The following CHCHD10 variants were observed in gnomAD, a reference collection of about 807,000 sequenced individuals.
CHCHD10 encodes coiled-coil-helix-coiled-coil-helix domain-containing protein 10, mitochondrial.
A neutral mutation model predicts 14.8 loss-of-function variants in CHCHD10; 10 were observed. That is an observed-to-expected ratio of 0.67 (90% confidence interval 0.42 to 1.14). CHCHD10 has a LOEUF of 1.14. Among genes scored for constraint, CHCHD10 ranks in the 50% most tolerant of loss-of-function variants. The pLI is 0.00. For synonymous variants in CHCHD10, 90 were observed against 85.2 expected (o/e 1.06, Z -0.31); for missense variants, 203 against 196.9 (o/e 1.03, Z -0.19).
intron 2 of CHCHD10, 48 bp from the exon 3 acceptor site, chr22:23,766,323 C>G (rs1221862349): frequency 6.6e-7 from 1 of 1,509,566 alleles, no homozygotes; most frequent in Non-Finnish European, 8.9e-7. Flanking sequence ...GAGTTGGCAC[C>G]TGGAGGTGCG....
In CHCHD10 at chr22:23,766,260, CA is replaced by C; in HGVS notation, c.276del (p.Ala93ProfsTer37). ...GGCCCCATCTGCAGGGGCTGGGGGGCAGCGGGGGTGGGGGCCTGGGGGTACA... is the reference window on the plus strand; with the variant it reads ...GGCCCCATCTGCAGGGGCTGGGGGGCGCGGGGGTGGGGGCCTGGGGGTACA... ...QPAVQQAPTP[A>X]APQPLQMGPC... On this transcript the variant is annotated frameshift_variant, in exon 3 of 4. Transcript: ENST00000484558. LOFTEE classifies it high-confidence loss of function. The C allele has an allele frequency of 6.8e-7, 1 of 1,472,042 alleles. No homozygotes were observed. Among genetic ancestry groups the C allele is most frequent in the Non-Finnish European group, 9.2e-7 (1 of 1,086,668 alleles). The allele number at this position is 1,472,042 out of a possible 1,614,324, so 91.2% of individuals were successfully genotyped here. A position where few individuals can be genotyped will look rare whatever the true frequency, so the allele number is the denominator to read the frequency against.
chr22:23,767,329 C>T (rs1926913455), intron 2 of CHCHD10, 45 bp downstream of exon 2: 3 of 1,523,274 alleles, frequency 2.0e-6, no homozygotes, highest in Non-Finnish European at 2.7e-6. Context: ...CCCTGTGTGG[C>T]CTCGAGATAA....
Position 23,765,900 on chromosome 22 carries a change from C to T in CHCHD10, c.*107G>A. The stretch of plus-strand genomic sequence containing the variant: ...GGTTATCTGTGGGGTGAGAAACCTC[C>T]TCACTTCCAATCCCAGCTATCTGGG... On this transcript the variant is annotated 3_prime_UTR_variant, in exon 4 of 4. Coordinates refer to ENST00000484558, the MANE Select transcript of CHCHD10 (RefSeq NM_213720.3). 6.3e-7 allele frequency: 1 copy of T among 1,589,020 alleles called. No homozygotes were observed. Among genetic ancestry groups the T allele is most frequent in the Non-Finnish European group, 8.6e-7 (1 of 1,161,246 alleles).
chr22:23,767,694 T>C, intron 1 of CHCHD10, 101 bp from the exon 2 acceptor site: 1 of 864,404 alleles, frequency 1.2e-6, no homozygotes. Context: ...GACCCACGTC[T>C]CCACACGTGG....
chr22:23,766,269 T>TGGGGGGGAAGGGGGGGG lies in CHCHD10; in HGVS notation c.267_268insCCCCCCCCTTCCCCCCC (p.Thr90ProfsTer46). 1 of 747,112 alleles carries TGGGGGGGAAGGGGGGGG rather than the reference T, an allele frequency of 1.3e-6. No homozygotes were observed. Among genetic ancestry groups the TGGGGGGGAAGGGGGGGG allele is most frequent in the Admixed American group, 3.4e-5 (1 of 29,378 alleles). 46.3% of individuals were successfully genotyped at this position (747,112 alleles called of 1,614,324 possible). On this transcript the variant is annotated frameshift_variant, in exon 3 of 4. Transcript: ENST00000484558. LOFTEE classifies it high-confidence loss of function. ...TGCAGGGGCTGGGGGGCAGCGGGGG[T>TGGGGGGGAAGGGGGGGG]GGGGGCCTGGGGGTACAGTGCAAGA...
Position 23,767,473 on chromosome 22 carries a change from C to A in CHCHD10, c.162G>T (p.Gly54=), listed in dbSNP as rs749635935. 84 of 1,588,290 alleles carry A rather than the reference C, an allele frequency of 5.3e-5. No homozygotes were observed. Among genetic ancestry groups the A allele is most frequent in the Non-Finnish European group, 7.0e-5 (82 of 1,169,012 alleles). The change falls in exon 2 of 4, where the codon GGG becomes GGT. Residue 54 remains glycine, a synonymous_variant. Coordinates refer to ENST00000484558, the MANE Select transcript of CHCHD10 (RefSeq NM_213720.3). ...GTCCCACAGCCGAGCCCACGGCTAC[C>A]CCTGCGGCCGTGGTCGCCATCTGAG... The part of the protein sequence containing the change: ...LMAQMATTAA[G]VAVGSAVGHV...
In CHCHD10 at chr22:23,766,303, G is replaced by A. The variant is rs1297680297; in HGVS notation, c.262-28C>T. 40 of 1,533,984 alleles carry A rather than the reference G, an allele frequency of 2.6e-5. No individual in the cohort carries two copies. Among genetic ancestry groups the A allele is most frequent in the Non-Finnish European group, 3.3e-5 (38 of 1,140,412 alleles). ...GGGGGTACAGTGCAAGAGGCTGCAGGATCAGCTTGGAGTTGGCACCTGGAG... is the reference window on the plus strand; with the variant it reads ...GGGGGTACAGTGCAAGAGGCTGCAGAATCAGCTTGGAGTTGGCACCTGGAG... On this transcript the variant is annotated intron_variant, in intron 2 of 3. Transcript: ENST00000484558.
Position 23,767,556 on chromosome 22 carries a change from G to A in CHCHD10, c.79C>T (p.Pro27Ser), listed in dbSNP as rs1297070374. The A allele has an allele frequency of 5.7e-6, 8 of 1,391,974 alleles. No individual in the cohort carries two copies. In the East Asian group the frequency reaches 1.2e-4, roughly 21 times the overall value. The allele number at this position is 1,391,974 out of a possible 1,614,324, so 86.2% of individuals were successfully genotyped here. ...AAPSAHPPAHPPPSAAAPAPA... is the reference protein window; with the variant it reads ...AAPSAHPPAHSPPSAAAPAPA... The stretch of plus-strand genomic sequence containing the variant: ...GCTGGGGCGGCTGCCGAGGGCGGTG[G>A]GTGCGCGGGCGGGTGGGCAGAGGGC... The change falls in exon 2 of 4, where the codon CCA (proline) becomes TCA (serine). Residue 27 changes from proline (P) to serine (S), a missense_variant. Coordinates refer to ENST00000484558, the MANE Select transcript of CHCHD10 (RefSeq NM_213720.3).
chr22:23,767,250 C>T (rs1926905329), intron 2 of CHCHD10, 124 bp downstream of exon 2: 7 of 807,154 alleles, frequency 8.7e-6, no homozygotes, highest in Non-Finnish European at 1.2e-5. Context: ...GGACCCTTCC[C>T]GGGCAGAGTC....
In CHCHD10 at chr22:23,766,208, A is replaced by T; in HGVS notation, c.329T>A (p.Leu110Gln). Residue 110 changes from leucine to glutamine, a missense_variant, in exon 3 of 4, where the codon CTG becomes CAG. Leu to Gln is a moderately radical substitution (Grantham distance 113). Transcript: ENST00000484558. ...GPCAYEIRQF[L>Q]DCSTTQSDLS... ...GTCACTCTGAGTGGTGGAACAGTCC[A>T]GGAACTGCCTGATCTCGTAGGCGCA... 1 of 1,520,964 alleles carries T rather than the reference A, an allele frequency of 6.6e-7. No homozygotes were observed. Among genetic ancestry groups the T allele is most frequent in the Non-Finnish European group, 8.9e-7 (1 of 1,119,554 alleles). The allele number at this position is 1,520,964 out of a possible 1,614,324, so 94.2% of individuals were successfully genotyped here. A position where few individuals can be genotyped will look rare whatever the true frequency, so the allele number is the denominator to read the frequency against.
In CHCHD10 at chr22:23,767,928, G is replaced by C. The variant is rs1927002828; in HGVS notation, c.-54C>G. The C allele has an allele frequency of 1.4e-6, 2 of 1,397,530 alleles. No homozygotes were observed. Among genetic ancestry groups the C allele is most frequent in the African/African-American group, 1.5e-5 (1 of 66,034 alleles). 86.6% of individuals were successfully genotyped at this position (1,397,530 alleles called of 1,614,324 possible). A position where few individuals can be genotyped will look rare whatever the true frequency, so the allele number is the denominator to read the frequency against. On this transcript the variant is annotated 5_prime_UTR_variant, in exon 1 of 4. Coordinates refer to ENST00000484558, the MANE Select transcript of CHCHD10 (RefSeq NM_213720.3). ...TAGAGACGGCGGCAGCGGTGCTGTC[G>C]CGGGGACAAATGCCGCAGCGCTTGT...
At chr22:23,767,708 C>T in intron 1 of CHCHD10, 115 bp from the exon 2 acceptor site, 2 of 940,780 alleles carry the variant, frequency 2.1e-6, no homozygotes, top group Non-Finnish European at 3.2e-6. Context: ...CACGTGGGTG[C>T]TGCACCCCCA....
At chr22:23,767,692 T>C in intron 1 of CHCHD10, 99 bp from the exon 2 acceptor site, 2 of 846,318 alleles carry the variant, frequency 2.4e-6, no homozygotes, top group Non-Finnish European at 3.6e-6. Flanking sequence ...ACGACCCACG[T>C]CTCCACACGT....
At chr22:23,766,600 C>A (rs981026692) in intron 2 of CHCHD10, 13 of 299,298 alleles carry the variant, frequency 4.3e-5, no homozygotes, top group Non-Finnish European at 8.1e-5. Context: ...CTACAGGCGC[C>A]CGCCACCATG....
rs750841860 is a variant in CHCHD10, at chr22:23,766,038, G to A, written c.410-12C>T. On this transcript the variant is annotated splice_polypyrimidine_tract_variant and intron_variant, in intron 3 of 3. Coordinates refer to ENST00000484558, the MANE Select transcript of CHCHD10 (RefSeq NM_213720.3). The stretch of plus-strand genomic sequence containing the variant: ...CAGGGAGCTCAGACCTGGGAAGGGA[G>A]GGGCAGCACAGGCTGGTGGTCAGCC... 26 of 1,613,620 alleles carry A rather than the reference G, an allele frequency of 1.6e-5. No individual in the cohort carries two copies. The Admixed American group carries it at 2.8e-4, about 18-fold the overall frequency.
In CHCHD10 at chr22:23,766,457, T is replaced by C. The variant is rs892116560; in HGVS notation, c.262-182A>G. The C allele has an allele frequency of 1.6e-5, 9 of 549,904 alleles. 1 individual carries two copies. The highest frequency in any genetic ancestry group is 3.3e-5 in the Admixed American group (1 of 30,384). 34.1% of individuals were successfully genotyped at this position (549,904 alleles called of 1,614,324 possible). A position where few individuals can be genotyped will look rare whatever the true frequency, so the allele number is the denominator to read the frequency against. On this transcript the variant is annotated intron_variant, in intron 2 of 3. Coordinates refer to ENST00000484558, the MANE Select transcript of CHCHD10 (RefSeq NM_213720.3). ...GACAGCATGTTTCTGCTGCCTTTTTTTTTTTTTTTTTTTGAGACAGAGTCT... is the reference window on the plus strand; with the variant it reads ...GACAGCATGTTTCTGCTGCCTTTTTCTTTTTTTTTTTTTGAGACAGAGTCT...
At chr22:23,766,570 G>A (rs1926842333) in intron 2 of CHCHD10, 1 of 333,582 alleles carries the variant, frequency 3.0e-6, no homozygotes. Context: ...GTCCTGCCTT[G>A]GCCTCCCAAG....
In CHCHD10 at chr22:23,766,286, A is replaced by T. The variant is rs1293883249; in HGVS notation, c.262-11T>A. ...AGCGGGGGTGGGGGCCTGGGGGTAC[A>T]GTGCAAGAGGCTGCAGGATCAGCTT... On this transcript the variant is annotated splice_polypyrimidine_tract_variant and intron_variant, in intron 2 of 3. Coordinates refer to ENST00000484558, the MANE Select transcript of CHCHD10 (RefSeq NM_213720.3). The T allele has an allele frequency of 1.2e-5, 18 of 1,543,076 alleles. No homozygotes were observed. Among genetic ancestry groups the T allele is most frequent in the Middle Eastern group, 2.3e-4 (1 of 4,348 alleles).
rs9153 is a variant in CHCHD10, at chr22:23,766,225, G to A, written c.312C>T (p.Tyr104=). 0.8 allele frequency: 1,263,633 copies of A among 1,577,154 alleles called. 506,344 individuals are homozygous for A. The highest frequency in any genetic ancestry group is 0.82 in the Non-Finnish European group (950,990 of 1,155,892). ...AACAGTCCAGGAACTGCCTGATCTC[G>A]TAGGCGCAGGGCCCCATCTGCAGGG... The part of the protein sequence containing the change: ...PQPLQMGPCA[Y]EIRQFLDCST... Residue 104 remains tyrosine, a synonymous_variant, in exon 3 of 4, where the codon TAC becomes TAT. Transcript: ENST00000484558.
Sources: allele counts gnomAD v4.1 joint callset, GRCh38; gene constraint gnomAD v4.1.1; transcripts MANE v1.5; gene names NCBI Gene and HGNC (gene_info 2026-07-23, HGNC 2026-07-21).